Variants in LRRC8E observed in about 807,000 individuals in gnomAD.
LRRC8E encodes volume-regulated anion channel subunit LRRC8E.
In LRRC8E, 6 loss-of-function variants were observed where a neutral mutation model predicts 6.1. That is an observed-to-expected ratio of 0.98 (90% CI 0.54 to 1.93). LRRC8E has a LOEUF of 1.93. LRRC8E is among the 30% of genes most tolerant of loss of function. LRRC8E has a pLI of 0.01. For synonymous variants in LRRC8E, 485 were observed against 472.8 expected, an observed-to-expected ratio of 1.03 and a Z score of -0.33; for missense variants, 1,028 against 1,031.4, an observed-to-expected ratio of 1.00 and a Z score of 0.04.
chr19:7,888,857 G>C (rs2145090105), intron 1 of LRRC8E, among the ~76,000 whole-genome samples: 1 of 152,312 alleles, frequency 6.6e-6, no homozygotes, highest in Middle Eastern at 3.4e-3. Context: ...ACAGGCTGAA[G>C]ATAAACTTGA....
Position 7,900,673 on chromosome 19 carries a change from G to C in LRRC8E, c.2151G>C (p.Glu717Asp). 1 of 1,613,428 alleles carries C rather than the reference G, an allele frequency of 6.2e-7. No individual in the cohort carries two copies. Among genetic ancestry groups the C allele is most frequent in the Non-Finnish European group, 8.5e-7 (1 of 1,180,044 alleles). ...SYNALEALPE[E>D]LFFCRKLRTL... ...ATGCCCTGGAGGCCCTGCCCGAAGA[G>C]CTCTTCTTCTGCCGCAAGCTGCGGA... Residue 717 changes from glutamate to aspartate, a missense_variant, in exon 3 of 3, where the codon GAG becomes GAC. Glu to Asp is a conservative substitution (Grantham distance 45, BLOSUM62 2). Coordinates refer to ENST00000306708, the MANE Select transcript of LRRC8E (RefSeq NM_025061.6). The surrounding 1 kb of genome is among the most constrained non-coding windows in gnomAD (Gnocchi z 5.0).
At position 7,900,197 on chromosome 19, in the gene LRRC8E, C is replaced by G; in HGVS notation, c.1675C>G (p.His559Asp). ...VPASVTDVAG[H>D]LQRLSLHNDG... ...AGCCAGTGTGACCGACGTTGCTGGC[C>G]ACCTGCAGAGGCTCAGCCTGCACAA... is the stretch of plus-strand genomic sequence containing the variant. Residue 559 changes from histidine (H) to aspartate (D), a missense_variant, in exon 3 of 3, where the codon CAC (histidine) becomes GAC (aspartate). Physicochemically the swap from His to Asp is moderately conservative, Grantham distance 81. Transcript: ENST00000306708. The surrounding 1 kb of genome is among the most constrained non-coding windows in gnomAD (Gnocchi z 5.0). 6.2e-7 allele frequency: 1 copy of G among 1,612,948 alleles called. No homozygotes were observed. Among genetic ancestry groups the G allele is most frequent in the Non-Finnish European group, 8.5e-7 (1 of 1,179,838 alleles).
In LRRC8E at chr19:7,901,067, C is replaced by T. The variant is rs1456400766; in HGVS notation, c.*154C>T. The T allele has an allele frequency of 1.1e-5, 7 of 647,512 alleles. No homozygotes were observed. The Admixed American group carries it at 1.3e-4, about 12-fold the overall frequency. 40.1% of individuals were successfully genotyped at this position (647,512 alleles called of 1,614,324 possible). A position where few individuals can be genotyped will look rare whatever the true frequency, so the allele number is the denominator to read the frequency against. Reference sequence around the variant, plus strand: ...TCATCTTTCTGGGGCCCAGGAGGATCTGGGCTGGTTTGTCTGGGGAGACAG... The same window carrying T: ...TCATCTTTCTGGGGCCCAGGAGGATTTGGGCTGGTTTGTCTGGGGAGACAG... On this transcript the variant is annotated 3_prime_UTR_variant, in exon 3 of 3. Transcript: ENST00000306708.
Position 7,900,890 on chromosome 19 carries a change from C to A in LRRC8E, c.2368C>A (p.Arg790=), listed in dbSNP as rs745874731. The A allele has an allele frequency of 1.3e-6, 2 of 1,527,054 alleles. No homozygotes were observed. The highest frequency in any genetic ancestry group is 2.3e-5 in the East Asian group (1 of 44,154). 94.6% of individuals were successfully genotyped at this position (1,527,054 alleles called of 1,614,324 possible). A position where few individuals can be genotyped will look rare whatever the true frequency, so the allele number is the denominator to read the frequency against. The change falls in exon 3 of 3, where the codon CGG becomes AGG. Residue 790 remains arginine (R), a synonymous_variant. Coordinates refer to ENST00000306708, the MANE Select transcript of LRRC8E (RefSeq NM_025061.6). This position sits in a 1 kb window ranked among gnomAD's most constrained non-coding sequence, Gnocchi z 5.0. ...TLYQGLPAEV[R]DKMEEE Reference sequence around the variant, plus strand: ...TTACCAGGGTCTGCCGGCAGAAGTGCGGGACAAGATGGAGGAGGAATGAAG... The same window carrying A: ...TTACCAGGGTCTGCCGGCAGAAGTGAGGGACAAGATGGAGGAGGAATGAAG...
Position 7,888,513 on chromosome 19 carries a change from C to G in LRRC8E, c.-93C>G, listed in dbSNP as rs1398074343. Reference sequence around the variant, plus strand: ...CTGTCCCCGCCTGCCCTGACTCACCCTCGCGGCCCGCCCGGGAACTCTGCG... The same window carrying G: ...CTGTCCCCGCCTGCCCTGACTCACCGTCGCGGCCCGCCCGGGAACTCTGCG... On this transcript the variant is annotated 5_prime_UTR_variant, in exon 1 of 3. Transcript: ENST00000306708. The G allele has an allele frequency of 6.6e-6, 1 of 152,262 alleles. No individual in the cohort carries two copies. Among genetic ancestry groups the G allele is most frequent in the Non-Finnish European group, 1.5e-5 (1 of 68,078 alleles). The allele number at this position is 152,262 out of a possible 1,614,324, so 9.4% of individuals were successfully genotyped here.
rs764258271 is a variant in LRRC8E at position 7,899,002 on chromosome 19, A to G, written c.480A>G (p.Pro160=). Residue 160 remains proline (P), a synonymous_variant, in exon 3 of 3, where the codon CCA becomes CCG. Coordinates refer to ENST00000306708, the MANE Select transcript of LRRC8E (RefSeq NM_025061.6). ...ISILGKCFDS[P]WTTRALSEVS... ...TCCTGGGCAAGTGTTTCGACTCTCC[A>G]TGGACCACCAGGGCCCTATCCGAGG... 3.1e-6 allele frequency: 5 copies of G among 1,613,910 alleles called. No homozygotes were observed. The highest frequency in any genetic ancestry group is 4.2e-6 in the Non-Finnish European group (5 of 1,179,998).
rs1293079451 is a variant in LRRC8E, at chr19:7,899,443, C to T, written c.921C>T (p.His307=). ...TCTGCTGCAACCACACCAAGGCCCA[C>T]CTCTTCTCCAAGCTGGCCTTCTGTT... is the stretch of plus-strand genomic sequence containing the variant. ...ASFCCNHTKA[H]LFSKLAFCYI... The change falls in exon 3 of 3, where the codon CAC becomes CAT. Residue 307 remains histidine (H), a synonymous_variant. Coordinates refer to ENST00000306708, the MANE Select transcript of LRRC8E (RefSeq NM_025061.6). The T allele has an allele frequency of 1.4e-5, 22 of 1,614,058 alleles. No homozygotes were observed. The highest frequency in any genetic ancestry group is 2.7e-5 in the African/African-American group (2 of 74,936).
At chr19:7,897,717 CTA>C (rs1396738423) in intron 2 of LRRC8E, among the ~76,000 whole-genome samples, 2 of 151,340 alleles carry the variant, frequency 1.3e-5, no homozygotes, top group African/African-American at 2.4e-5. Context: ...GTCTCTGTGT[CTA>C]TGTTTCCCCT....
At position 7,901,126 on chromosome 19, in the gene LRRC8E, A is replaced by G. The variant is rs186819299; in HGVS notation, c.*213A>G. On this transcript the variant is annotated 3_prime_UTR_variant, in exon 3 of 3. Transcript: ENST00000306708. ...TTGTGGAGCTGGGGTGGAACCTGGT[A>G]TGGAGGGATTAACTCAGTCATGGCA... 1.4e-5 allele frequency: 7 copies of G among 487,290 alleles called. No homozygotes were observed. In the East Asian group the frequency reaches 2.2e-4, roughly 15 times the overall value. The allele number at this position is 487,290 out of a possible 1,614,324, so 30.2% of individuals were successfully genotyped here. A position where few individuals can be genotyped will look rare whatever the true frequency, so the allele number is the denominator to read the frequency against.
At position 7,900,021 on chromosome 19, in the gene LRRC8E, C is replaced by G. The variant is rs376889961; in HGVS notation, c.1499C>G (p.Pro500Arg). 2.9e-5 allele frequency: 47 copies of G among 1,610,166 alleles called. No homozygotes were observed. Among genetic ancestry groups the G allele is most frequent in the Non-Finnish European group, 3.6e-5 (42 of 1,179,408 alleles). ...RVKCEELREV[P>R]LWVFGLRGLE... ...AAATGCGAGGAGCTCCGCGAGGTGCCGCTTTGGGTGTTTGGGCTGCGGGGC... is the reference window on the plus strand; with the variant it reads ...AAATGCGAGGAGCTCCGCGAGGTGCGGCTTTGGGTGTTTGGGCTGCGGGGC... Residue 500 changes from proline to arginine, a missense_variant, in exon 3 of 3, where the codon CCG becomes CGG. Coordinates refer to ENST00000306708, the MANE Select transcript of LRRC8E (RefSeq NM_025061.6). The surrounding 1 kb of genome is among the most constrained non-coding windows in gnomAD (Gnocchi z 5.0).
intron 1 of LRRC8E, chr19:7,893,750 G>C (rs935008884): frequency 5.3e-5 from 8 of 152,090 alleles, no homozygotes; most frequent in African/African-American, 1.9e-4. Context: ...GGCCAGGCTG[G>C]TTTCGAACTC....
Position 7,901,569 on chromosome 19 carries a change from TGGGAAATGCTGACGTAAAGGTATCA to T in LRRC8E, c.*660_*684del, listed in dbSNP as rs1372166915. ...GGTAAGTGGCCCTGAGACAGTATGT[TGGGAAATGCTGACGTAAAGGTATCA>T]GGGCCGGGCGCTGTGGCTCATGACT... On this transcript the variant is annotated 3_prime_UTR_variant, in exon 3 of 3. Transcript: ENST00000306708. 1 of 152,008 alleles carries T rather than the reference TGGGAAATGCTGACGTAAAGGTATCA, an allele frequency of 6.6e-6. No homozygotes were observed. The highest frequency in any genetic ancestry group is 1.5e-5 in the Non-Finnish European group (1 of 68,008). 9.4% of individuals were successfully genotyped at this position (152,008 alleles called of 1,614,324 possible). A position where few individuals can be genotyped will look rare whatever the true frequency, so the allele number is the denominator to read the frequency against.
rs762142313 is a variant in LRRC8E at position 7,900,743 on chromosome 19, G to A, written c.2221G>A (p.Val741Met). Residue 741 changes from valine (V) to methionine (M), a missense_variant, in exon 3 of 3, where the codon GTG becomes ATG. Transcript: ENST00000306708. The surrounding 1 kb of genome is among the most constrained non-coding windows in gnomAD (Gnocchi z 5.0). ...CCAGCTGAGCCAGCTCTCGCCCCAC[G>A]TGGGTGCCCTCAGAGCCCTCAGCCG... ...DNQLSQLSPH[V>M]GALRALSRLE... is the part of the protein sequence containing the mutation. The A allele has an allele frequency of 1.2e-5, 20 of 1,612,624 alleles. No homozygotes were observed. Among genetic ancestry groups the A allele is most frequent in the East Asian group, 2.2e-5 (1 of 44,896 alleles).
chr19:7,900,408 G>T lies in LRRC8E; in HGVS notation c.1886G>T (p.Cys629Phe). 1 of 1,612,888 alleles carries T rather than the reference G, an allele frequency of 6.2e-7. No homozygotes were observed. Among genetic ancestry groups the T allele is most frequent in the South Asian group, 1.1e-5 (1 of 91,060 alleles). The stretch of plus-strand genomic sequence containing the variant: ...GAGGAAATCCTCAGCTTCCAGCACT[G>T]CCGGAAGCTGGTCACGCTCAGGCTG... ...SIEEILSFQH[C>F]RKLVTLRLWH... Residue 629 changes from cysteine to phenylalanine, a missense_variant, in exon 3 of 3, where the codon TGC (cysteine) becomes TTC (phenylalanine). Transcript: ENST00000306708. The surrounding 1 kb of genome is among the most constrained non-coding windows in gnomAD (Gnocchi z 5.0).
chr19:7,900,265 G>A lies in LRRC8E; in HGVS notation c.1743G>A (p.Leu581=), dbSNP rs754799770. 6.8e-6 allele frequency: 11 copies of A among 1,613,448 alleles called. No individual in the cohort carries two copies. In the South Asian group the frequency reaches 1.1e-4, roughly 16 times the overall value. Residue 581 remains leucine (L), a synonymous_variant, in exon 3 of 3, where the codon CTG becomes CTA. Transcript: ENST00000306708. This position sits in a 1 kb window ranked among gnomAD's most constrained non-coding sequence, Gnocchi z 5.0. ...RLVALNSLKK[L]AALRELELVA... Reference sequence around the variant, plus strand: ...TTGCCCTGAACAGCCTCAAGAAGCTGGCGGCATTGCGGGAGCTGGAGCTGG... The same window carrying A: ...TTGCCCTGAACAGCCTCAAGAAGCTAGCGGCATTGCGGGAGCTGGAGCTGG...
chr19:7,895,848 G>A lies in LRRC8E; in HGVS notation c.138+107G>A. On this transcript the variant is annotated intron_variant, in intron 2 of 2. Transcript: ENST00000306708. This position sits in a 1 kb window ranked among gnomAD's most constrained non-coding sequence, Gnocchi z 4.7. The stretch of plus-strand genomic sequence containing the variant: ...CAAGAAAGAGAGGAAACTGAAGACA[G>A]AGCCCCACTCAAAGGCCAATCCAGA... 2.8e-6 allele frequency: 4 copies of A among 1,448,344 alleles called. No homozygotes were observed. The South Asian group carries it at 3.9e-5, about 14-fold the overall frequency. 89.7% of individuals were successfully genotyped at this position (1,448,344 alleles called of 1,614,324 possible).
intron 2 of LRRC8E, among the ~76,000 whole-genome samples, chr19:7,898,113 G>A (rs1981695497): frequency 1.3e-5 from 2 of 151,762 alleles, no homozygotes; most frequent in Admixed American, 6.6e-5. Context: ...AGCAGGCTGA[G>A]GCAGGAGAAT....
chr19:7,898,860 G>A lies in LRRC8E; in HGVS notation c.338G>A (p.Trp113Ter). The change falls in exon 3 of 3, where the codon TGG becomes TAG. Residue 113 changes from tryptophan to a stop codon, truncating the protein, a stop_gained. Coordinates refer to ENST00000306708, the MANE Select transcript of LRRC8E (RefSeq NM_025061.6). LOFTEE classifies it low-confidence loss of function (END_TRUNC). ...NQLCYETALH[W>*]YAKYFPYLVV... ...CTGTGTTATGAGACGGCCCTGCACT[G>A]GTATGCCAAGTACTTCCCTTACCTC... The A allele has an allele frequency of 6.2e-7, 1 of 1,614,204 alleles. No homozygotes were observed. The highest frequency in any genetic ancestry group is 1.1e-5 in the South Asian group (1 of 91,092).
Position 7,900,861 on chromosome 19 carries a change from C to G in LRRC8E, c.2339C>G (p.Thr780Arg), listed in dbSNP as rs377684789. The G allele has an allele frequency of 1.3e-6, 2 of 1,545,776 alleles. No homozygotes were observed. Among genetic ancestry groups the G allele is most frequent in the African/African-American group, 1.4e-5 (1 of 72,464 alleles). Reference sequence around the variant, plus strand: ...AAGGCGGGGCTCCTGGTGGAAGACACGCTTTACCAGGGTCTGCCGGCAGAA... The same window carrying G: ...AAGGCGGGGCTCCTGGTGGAAGACAGGCTTTACCAGGGTCTGCCGGCAGAA... ...LKKAGLLVED[T>R]LYQGLPAEVR... Residue 780 changes from threonine to arginine, a missense_variant, in exon 3 of 3, where the codon ACG (threonine) becomes AGG (arginine). By Grantham distance (71) the Thr-to-Arg change is moderately conservative (BLOSUM62 -1). Transcript: ENST00000306708. The surrounding 1 kb of genome is among the most constrained non-coding windows in gnomAD (Gnocchi z 5.0).
Sources: gnomAD v4.1 joint callset for allele counts (sites outside exome capture counted in the v4.1 genomes callset) on GRCh38, gnomAD v4.1.1 for gene constraint, Gnocchi (gnomAD v3.1) non-coding constraint, MANE v1.5 for transcripts, NCBI Gene and HGNC (gene_info 2026-07-23, HGNC 2026-07-21) for gene names.